CHCHD6: variants seen among roughly 807,000 people sequenced by gnomAD.
The protein encoded by CHCHD6 is MICOS complex subunit MIC25.
In CHCHD6, 28 loss-of-function variants were observed where a neutral mutation model predicts 32.3. That is an observed-to-expected ratio of 0.87 (90% CI 0.64 to 1.19). The LOEUF (loss-of-function observed/expected upper bound fraction) is 1.19, where lower values mean the gene tolerates loss of function less well. Ranked by LOEUF, CHCHD6 falls within the 50% of genes most tolerant of loss-of-function variation. The pLI is 0.00. For synonymous variants in CHCHD6, 122 were observed against 117.5 expected, an observed-to-expected ratio of 1.04 and a Z score of -0.25; for missense variants, 333 against 307.0, an observed-to-expected ratio of 1.08 and a Z score of -0.63.
intron 5 of CHCHD6, among the ~76,000 whole-genome samples, chr3:126,875,489 G>A (rs759484123): frequency 6.6e-5 from 10 of 152,246 alleles, no homozygotes; most frequent in Non-Finnish European, 1.5e-4. Flanking sequence ...GCACCTAAAA[G>A]CCATGGGAGA....
chr3:126,765,432 C>T (rs1339435903), intron 4 of CHCHD6, among the ~76,000 whole-genome samples: 6 of 152,312 alleles, frequency 3.9e-5, no homozygotes, highest in African/African-American at 1.2e-4. Context: ...CGTGCTGACA[C>T]GCAAGGAAGG....
rs1257538453 is a variant in CHCHD6 at position 126,826,355 on chromosome 3, CAT to C, written c.412-26291_412-26290del. Among the ~76,000 whole-genome samples the C allele has an allele frequency of 3.9e-5, 6 of 152,272 alleles. No homozygotes were observed. In the East Asian group the frequency reaches 1.2e-3, roughly 29 times the overall value. On this transcript the variant is annotated intron_variant, in intron 4 of 7. Transcript: ENST00000290913. Reference sequence around the variant, plus strand: ...ACCTATGCAGTCTTATAAATACAGTCATGTGTGGATTGTGAGTATTTGGACAG... The same window carrying C: ...ACCTATGCAGTCTTATAAATACAGTCGTGTGGATTGTGAGTATTTGGACAG...
intron 4 of CHCHD6, among the ~76,000 whole-genome samples, chr3:126,779,639 T>C (rs1937833658): frequency 6.6e-6 from 1 of 152,068 alleles, no homozygotes; most frequent in Non-Finnish European, 1.5e-5. Flanking sequence ...GACAGAGGTC[T>C]AAATCCATTA....
At chr3:126,726,614 G>C (rs9852584) in intron 1 of CHCHD6, among the ~76,000 whole-genome samples, 21,439 of 152,238 alleles carry the variant, frequency 0.14, 1,653 homozygotes, top group South Asian at 0.29. Context: ...GGAGGTACCT[G>C]TGCTTCACTT....
At chr3:126,773,657 G>A (rs952548211) in intron 4 of CHCHD6, among the ~76,000 whole-genome samples, 6 of 138,174 alleles carry the variant, frequency 4.3e-5, no homozygotes, top group African/African-American at 1.7e-4. Flanking sequence ...CCTAGGCGAA[G>A]TGCAGTGGCA....
Position 126,864,602 on chromosome 3 carries a change from T to C in CHCHD6, c.495+11872T>C, listed in dbSNP as rs1413582182. On this transcript the variant is annotated intron_variant, in intron 5 of 7. Transcript: ENST00000290913. Reference sequence around the variant, plus strand: ...CTTCTCCACCTCCACCACCTCCTTCTCCTCCACCTCCACCACCTCCTTCTC... The same window carrying C: ...CTTCTCCACCTCCACCACCTCCTTCCCCTCCACCTCCACCACCTCCTTCTC... 1.1e-4 allele frequency among the ~76,000 whole-genome samples: 15 copies of C among 138,804 alleles called. No homozygotes were observed. The South Asian group carries it at 3.7e-3, about 34-fold the overall frequency. 91.1% of individuals were successfully genotyped at this position (138,804 alleles called of 152,430 possible). A position where few individuals can be genotyped will look rare whatever the true frequency, so the allele number is the denominator to read the frequency against.
intron 4 of CHCHD6, among the ~76,000 whole-genome samples, chr3:126,744,056 T>C (rs1177061041): frequency 6.6e-6 from 1 of 152,152 alleles, no homozygotes; most frequent in Non-Finnish European, 1.5e-5. Context: ...GCCCTGCCAC[T>C]CTTCTGTGTG....
At chr3:126,924,557 C>G (rs2078296766) in intron 6 of CHCHD6, among the ~76,000 whole-genome samples, 1 of 152,160 alleles carries the variant, frequency 6.6e-6, no homozygotes, top group Non-Finnish European at 1.5e-5. Context: ...AGGGTGACCC[C>G]ATGAGACAGG....
chr3:126,799,347 A>G (rs973780884), intron 4 of CHCHD6, among the ~76,000 whole-genome samples: 2 of 152,212 alleles, frequency 1.3e-5, no homozygotes, highest in Non-Finnish European at 2.9e-5. Flanking sequence ...TGCTTATTAG[A>G]TGAGAATTGC....
intron 6 of CHCHD6, among the ~76,000 whole-genome samples, chr3:126,936,272 C>A (rs574993108): frequency 1.3e-5 from 2 of 152,056 alleles, no homozygotes; most frequent in South Asian, 2.1e-4. Flanking sequence ...TGATGCTGCC[C>A]TTGCAGAGCG....
chr3:126,900,403 C>T (rs947643659), intron 5 of CHCHD6, among the ~76,000 whole-genome samples: 1 of 152,116 alleles, frequency 6.6e-6, no homozygotes. Flanking sequence ...TAAAGAAATA[C>T]CTGAGGCTGG....
At chr3:126,739,496 GTC>G (rs1936198469) in intron 4 of CHCHD6, among the ~76,000 whole-genome samples, 2 of 152,176 alleles carry the variant, frequency 1.3e-5, no homozygotes, top group Non-Finnish European at 1.5e-5. Flanking sequence ...AACTTTTTAA[GTC>G]TCTCTGAGTA....
chr3:126,779,486 G>C (rs1025254843), intron 4 of CHCHD6, among the ~76,000 whole-genome samples: 1 of 142,730 alleles, frequency 7.0e-6, no homozygotes, highest in East Asian at 2.0e-4. Context: ...GCGGTAAGCC[G>C]AGATCGCTCC....
At chr3:126,808,082 G>A (rs1350139816) in intron 4 of CHCHD6, among the ~76,000 whole-genome samples, 1 of 152,198 alleles carries the variant, frequency 6.6e-6, no homozygotes, top group African/African-American at 2.4e-5. Context: ...CATGCAAACA[G>A]TTTCAGTTAA....
At chr3:126,765,569 A>G (rs1334405700) in intron 4 of CHCHD6, among the ~76,000 whole-genome samples, 1 of 152,244 alleles carries the variant, frequency 6.6e-6, no homozygotes, top group Non-Finnish European at 1.5e-5. Context: ...GGATCCAGGT[A>G]GGGGAAAAAA....
At chr3:126,839,600 ATCAG>A (rs1009963361) in intron 4 of CHCHD6, among the ~76,000 whole-genome samples, 1 of 151,744 alleles carries the variant, frequency 6.6e-6, no homozygotes, top group African/African-American at 2.4e-5. Flanking sequence ...GCTGCATCTA[ATCAG>A]TCAGTCTTCT....
intron 7 of CHCHD6, 140 bp from the exon 8 acceptor site, chr3:126,960,056 T>G (rs1359974921): frequency 4.3e-6 from 4 of 936,608 alleles, no homozygotes; most frequent in Non-Finnish European, 5.0e-6. Context: ...AGAGACTCAC[T>G]GATGGGTCTC....
chr3:126,844,753 G>T (rs1156899813), intron 4 of CHCHD6, among the ~76,000 whole-genome samples: 1 of 152,174 alleles, frequency 6.6e-6, no homozygotes, highest in Non-Finnish European at 1.5e-5. Context: ...AACTTTGCAG[G>T]TGTGATTAAG....
intron 4 of CHCHD6, among the ~76,000 whole-genome samples, chr3:126,839,556 G>C (rs1940989001): frequency 6.6e-6 from 1 of 152,022 alleles, no homozygotes; most frequent in South Asian, 2.1e-4. Context: ...CCGGAACCTG[G>C]AGGGATCATT....
Sources: gnomAD v4.1 joint callset for allele counts (sites outside exome capture counted in the v4.1 genomes callset) on GRCh38, gnomAD v4.1.1 for gene constraint, MANE v1.5 for transcripts, NCBI Gene and HGNC (gene_info 2026-07-23, HGNC 2026-07-21) for gene names.